INSYN2B: variants seen among roughly 807,000 people sequenced by gnomAD.
INSYN2B encodes inhibitory synaptic factor family member 2B.
INSYN2B carries 16 observed loss-of-function variants against 41.2 expected under a neutral mutation model. The ratio of observed to expected loss-of-function variants is 0.39; its 90% CI spans 0.26 to 0.59. INSYN2B has a LOEUF of 0.59. INSYN2B is among the 20% of genes least tolerant of loss of function. The pLI is 0.57. For synonymous variants in INSYN2B, 245 were observed against 244.4 expected, an observed-to-expected ratio of 1.00 and a Z score of -0.02; for missense variants, 608 against 646.4, an observed-to-expected ratio of 0.94 and a Z score of 0.64.
chr5:169,864,201 C>A lies in INSYN2B; in HGVS notation c.*72G>T. ...GCCTTTGCAAAGAAGCAGGGCAGGC[C>A]TTAAGTGCAGTGGATTTCCCATCTC... is the stretch of plus-strand genomic sequence containing the variant. On this transcript the variant is annotated 3_prime_UTR_variant, in exon 4 of 4. Coordinates refer to ENST00000377365, the MANE Select transcript of INSYN2B (RefSeq NM_001129891.3). 7.4e-7 allele frequency: 1 copy of A among 1,345,928 alleles called. No homozygotes were observed. The highest frequency in any genetic ancestry group is 1.0e-6 in the Non-Finnish European group (1 of 961,876). 83.4% of individuals were successfully genotyped at this position (1,345,928 alleles called of 1,614,324 possible). A position where few individuals can be genotyped will look rare whatever the true frequency, so the allele number is the denominator to read the frequency against.
intron 1 of INSYN2B, chr5:169,934,545 C>G (rs755542178): frequency 2.3e-6 from 1 of 433,668 alleles, no homozygotes; most frequent in Non-Finnish European, 4.6e-6. Context: ...TAATTGTATG[C>G]GCTACATTCA....
chr5:169,946,783 G>A (rs748183853), intron 1 of INSYN2B, among the ~76,000 whole-genome samples: 15 of 152,232 alleles, frequency 9.9e-5, no homozygotes, highest in Non-Finnish European at 1.9e-4. Flanking sequence ...CTGTCATTGA[G>A]AGTGACGTGG....
chr5:169,969,899 T>G (rs756732984), intron 1 of INSYN2B, among the ~76,000 whole-genome samples: 3 of 152,222 alleles, frequency 2.0e-5, no homozygotes, highest in Non-Finnish European at 4.4e-5. Flanking sequence ...CAAGAGAAAC[T>G]GAATATCCAA....
chr5:169,911,776 A>G (rs1391662840), intron 1 of INSYN2B, among the ~76,000 whole-genome samples: 1 of 152,244 alleles, frequency 6.6e-6, no homozygotes, highest in African/African-American at 2.4e-5. Flanking sequence ...GACAGGTGGC[A>G]TATTGGGTCA....
At chr5:169,899,058 C>T (rs261060) in intron 1 of INSYN2B, among the ~76,000 whole-genome samples, 32,080 of 152,090 alleles carry the variant, frequency 0.21, 5,051 homozygotes, top group African/African-American at 0.44. Context: ...CTTCCTAATA[C>T]ATAAAGTGCA....
chr5:169,958,458 G>T (rs894559867), intron 1 of INSYN2B, among the ~76,000 whole-genome samples: 21 of 152,294 alleles, frequency 1.4e-4, no homozygotes, highest in African/African-American at 5.1e-4. Flanking sequence ...TGCTTGAAAA[G>T]CTGGTGTGCA....
rs1156262811 is a variant in INSYN2B at position 169,980,408 on chromosome 5, A to G, written c.-1050T>C. ...TCATATTGTAATTTTCACTGTTTATATGCAAGAAGTGTAGTGGGTCTGCTC... is the reference window on the plus strand; with the variant it reads ...TCATATTGTAATTTTCACTGTTTATGTGCAAGAAGTGTAGTGGGTCTGCTC... On this transcript the variant is annotated 5_prime_UTR_variant, in exon 1 of 4. Coordinates refer to ENST00000377365, the MANE Select transcript of INSYN2B (RefSeq NM_001129891.3). The G allele has an allele frequency of 6.6e-6, 1 of 152,218 alleles. No individual in the cohort carries two copies. Among genetic ancestry groups the G allele is most frequent in the Non-Finnish European group, 1.5e-5 (1 of 68,038 alleles). The allele number at this position is 152,218 out of a possible 1,614,324, so 9.4% of individuals were successfully genotyped here.
chr5:169,896,104 G>C (rs1379713191), intron 1 of INSYN2B, among the ~76,000 whole-genome samples: 1 of 152,100 alleles, frequency 6.6e-6, no homozygotes, highest in Non-Finnish European at 1.5e-5. Context: ...CTGCACTGGG[G>C]CACAGGGATT....
intron 3 of INSYN2B, among the ~76,000 whole-genome samples, chr5:169,871,798 G>A (rs1442121908): frequency 1.3e-5 from 2 of 152,200 alleles, no homozygotes; most frequent in Non-Finnish European, 2.9e-5. Context: ...GGTGCATGGG[G>A]GACGCTTTAT....
At chr5:169,917,777 C>T (rs1003055511) in intron 1 of INSYN2B, among the ~76,000 whole-genome samples, 1 of 152,104 alleles carries the variant, frequency 6.6e-6, no homozygotes, top group Non-Finnish European at 1.5e-5. Context: ...TCTGGCCCTA[C>T]CACACAGAAA....
intron 1 of INSYN2B, among the ~76,000 whole-genome samples, chr5:169,938,973 G>A (rs1277097377): frequency 6.8e-6 from 1 of 146,754 alleles, no homozygotes; most frequent in Non-Finnish European, 1.5e-5. Context: ...GCGTGATCTC[G>A]GCTCACTGCA....
At chr5:169,905,592 A>G (rs1338423425) in intron 1 of INSYN2B, among the ~76,000 whole-genome samples, 1 of 152,212 alleles carries the variant, frequency 6.6e-6, no homozygotes, top group Non-Finnish European at 1.5e-5. Context: ...CAAGTCCTGT[A>G]TACGGGCTTG....
rs749102283 is a variant in INSYN2B, at chr5:169,864,467, A to G, written c.1422-8T>C. 9.0e-5 allele frequency: 136 copies of G among 1,518,362 alleles called. No individual in the cohort carries two copies. The highest frequency in any genetic ancestry group is 1.2e-4 in the Non-Finnish European group (134 of 1,131,658). 94.1% of individuals were successfully genotyped at this position (1,518,362 alleles called of 1,614,324 possible). ...CGAAAATCATACTCTACACTGAAAA[A>G]CACAGAGAGGAAGGAAGGAAAGTGA... On this transcript the variant is annotated splice_region_variant and splice_polypyrimidine_tract_variant and intron_variant, in intron 3 of 3. Transcript: ENST00000377365.
At position 169,924,051 on chromosome 5, in the gene INSYN2B, T is replaced by G. The variant is rs60148544; in HGVS notation, c.-918-39235A>C. The stretch of plus-strand genomic sequence containing the variant: ...GGCCTGGTAATTGGTAATTAGCTGA[T>G]GCCCCTTGTCTCCTCCTGCCACCCT... On this transcript the variant is annotated intron_variant, in intron 1 of 3. Transcript: ENST00000377365. 4.5e-3 allele frequency among the ~76,000 whole-genome samples: 692 copies of G among 152,324 alleles called. 5 individuals carry two copies. The highest frequency in any genetic ancestry group is 0.02 in the Middle Eastern group (6 of 294).
In INSYN2B at chr5:169,979,683, T is replaced by G. The variant is rs139258316; in HGVS notation, c.-919+594A>C. Among the ~76,000 whole-genome samples the G allele has an allele frequency of 1.3e-3, 202 of 152,314 alleles. 1 individual carries two copies. The highest frequency in any genetic ancestry group is 2.5e-3 in the Non-Finnish European group (170 of 68,028). On this transcript the variant is annotated intron_variant, in intron 1 of 3. Coordinates refer to ENST00000377365, the MANE Select transcript of INSYN2B (RefSeq NM_001129891.3). Reference sequence around the variant, plus strand: ...CTGTCATTTTTCATTAACAGCCAAATGCAGGTAACTTGTCCAAACTTCAGT... The same window carrying G: ...CTGTCATTTTTCATTAACAGCCAAAGGCAGGTAACTTGTCCAAACTTCAGT...
At chr5:169,916,690 T>TGG (rs5873198) in intron 1 of INSYN2B, among the ~76,000 whole-genome samples, 2 of 5,534 alleles carry the variant, frequency 3.6e-4, no homozygotes, top group East Asian at 3.5e-3. Context: ...TATGAGAGAC[T>TGG]TTTTAATAAC....
At chr5:169,875,010 T>C (rs1376578179) in intron 3 of INSYN2B, among the ~76,000 whole-genome samples, 1 of 152,074 alleles carries the variant, frequency 6.6e-6, no homozygotes, top group Non-Finnish European at 1.5e-5. Context: ...TATATGATCA[T>C]CTAACCCTAA....
intron 3 of INSYN2B, among the ~76,000 whole-genome samples, chr5:169,867,542 A>G (rs1434748928): frequency 6.6e-6 from 1 of 152,068 alleles, no homozygotes; most frequent in Non-Finnish European, 1.5e-5. Context: ...TCTATCATGT[A>G]TCTATCATCT....
intron 1 of INSYN2B, among the ~76,000 whole-genome samples, chr5:169,892,303 T>C (rs1376345249): frequency 6.6e-6 from 1 of 152,218 alleles, no homozygotes; most frequent in Admixed American, 6.5e-5. Flanking sequence ...TACCTGCAAA[T>C]GCTTCAAGAA....
Sources: gnomAD v4.1 joint callset for allele counts (sites outside exome capture counted in the v4.1 genomes callset) on GRCh38, gnomAD v4.1.1 for gene constraint, MANE v1.5 for transcripts, NCBI Gene and HGNC (gene_info 2026-07-23, HGNC 2026-07-21) for gene names.